Variants in CACNA1B observed in about 807,000 individuals in gnomAD.
The protein encoded by CACNA1B is calcium voltage-gated channel subunit alpha1 B, also known as voltage-dependent N-type calcium channel subunit alpha-1B.
In CACNA1B, 70 loss-of-function variants were observed where a neutral mutation model predicts 247.2. That is an observed-to-expected ratio of 0.28 (90% CI 0.23 to 0.35). The LOEUF (loss-of-function observed/expected upper bound fraction) is 0.35, where lower values mean the gene tolerates loss of function less well. Among genes scored for constraint, CACNA1B ranks in the 10% least tolerant of loss-of-function variants. The probability of loss-of-function intolerance (pLI) is 1.00; values close to 1 mark genes in which losing one functional copy is unlikely to be tolerated. For synonymous variants in CACNA1B, 1,231 were observed against 1,294.4 expected, an observed-to-expected ratio of 0.95 and a Z score of 1.05; for missense variants, 2,367 against 3,197.4, an observed-to-expected ratio of 0.74 and a Z score of 6.26.
chr9:138,067,395 T>G (rs1173165433), intron 31 of CACNA1B, among the ~76,000 whole-genome samples: 1 of 152,204 alleles, frequency 6.6e-6, no homozygotes, highest in African/African-American at 2.4e-5. Flanking sequence ...ATGTTGACAT[T>G]AAAATTTTTT....
intron 42 of CACNA1B, among the ~76,000 whole-genome samples, chr9:138,117,417 C>G (rs1055554440): frequency 3.9e-5 from 6 of 152,168 alleles, no homozygotes; most frequent in African/African-American, 1.2e-4. Flanking sequence ...CCCTCCATGA[C>G]AGCTTTGCCC....
rs111949932 is a variant in CACNA1B, at chr9:138,106,900, C to G, written c.5428+1093C>G. ...TCTTCCCAGCTTCACCAGAGCTGCCCTTGGGGTCTCCAGGCCTCCACGTTG... is the reference window on the plus strand; with the variant it reads ...TCTTCCCAGCTTCACCAGAGCTGCCGTTGGGGTCTCCAGGCCTCCACGTTG... On this transcript the variant is annotated intron_variant, in intron 39 of 46. Transcript: ENST00000371372. Among the ~76,000 whole-genome samples the G allele has an allele frequency of 6.2e-3, 942 of 152,334 alleles. 22 individuals carry two copies. In the South Asian group the frequency reaches 0.085, roughly 14 times the overall value.
chr9:137,940,001 C>T (rs886585009), intron 6 of CACNA1B, among the ~76,000 whole-genome samples: 2 of 151,846 alleles, frequency 1.3e-5, no homozygotes, highest in African/African-American at 4.8e-5. Context: ...AATCTAAGGT[C>T]ACACCTCAAT....
intron 20 of CACNA1B, among the ~76,000 whole-genome samples, chr9:138,040,984 C>T (rs1020445154): frequency 6.6e-6 from 1 of 152,164 alleles, no homozygotes; most frequent in Non-Finnish European, 1.5e-5. Flanking sequence ...ATAGCTTGTA[C>T]CTCTCCAGAT....
At chr9:137,998,909 C>A (rs1440649059) in intron 15 of CACNA1B, among the ~76,000 whole-genome samples, 1 of 152,230 alleles carries the variant, frequency 6.6e-6, no homozygotes, top group East Asian at 1.9e-4. Context: ...ACATACAGAA[C>A]TGTACCCAAC....
Position 137,880,805 on chromosome 9 carries a change from G to T in CACNA1B, c.390+1646G>T, listed in dbSNP as rs905304639. On this transcript the variant is annotated intron_variant, in intron 2 of 46. Transcript: ENST00000371372. This position sits in a 1 kb window ranked among gnomAD's most constrained non-coding sequence, Gnocchi z 4.8. ...TGTGCTGCTGCCCACAGAGCAGGCC[G>T]AGGCTGGGTGGTGCAGGGGCAGCCC... 6.6e-6 allele frequency among the ~76,000 whole-genome samples: 1 copy of T among 152,168 alleles called. No homozygotes were observed. The highest frequency in any genetic ancestry group is 1.9e-4 in the East Asian group (1 of 5,176).
In CACNA1B at chr9:138,006,853, T is replaced by A. The variant is rs768175667; in HGVS notation, c.2061T>A (p.Phe687Leu). Residue 687 changes from phenylalanine to leucine, a missense_variant, in exon 16 of 47, where the codon TTT becomes TTA. Phe to Leu is a conservative substitution (Grantham distance 22, BLOSUM62 0). Transcript: ENST00000371372. The part of the protein sequence containing the change: ...GGVSKGMFSS[F>L]YFIVLTLFGN... ...TCAGCAAAGGCATGTTCTCGTCCTT[T>A]TACTTCATTGTCCTGACACTGTTCG... The A allele has an allele frequency of 6.2e-7, 1 of 1,605,556 alleles. No homozygotes were observed. The highest frequency in any genetic ancestry group is 2.2e-5 in the East Asian group (1 of 44,834).
chr9:138,088,092 G>C (rs1254161263), intron 36 of CACNA1B, among the ~76,000 whole-genome samples: 3 of 152,246 alleles, frequency 2.0e-5, no homozygotes, highest in Admixed American at 1.3e-4. Flanking sequence ...AATATAGCCA[G>C]GTGCGGTGGC....
At position 137,990,118 on chromosome 9, in the gene CACNA1B, A is replaced by G. The variant is rs1958415023; in HGVS notation, c.1974+3264A>G. 6.6e-6 allele frequency among the ~76,000 whole-genome samples: 1 copy of G among 152,162 alleles called. No homozygotes were observed. The highest frequency in any genetic ancestry group is 2.4e-5 in the African/African-American group (1 of 41,444). On this transcript the variant is annotated intron_variant, in intron 15 of 46. Coordinates refer to ENST00000371372, the MANE Select transcript of CACNA1B (RefSeq NM_000718.4). This position sits in a 1 kb window ranked among gnomAD's most constrained non-coding sequence, Gnocchi z 4.5. ...AGACTCAGTGCTGTTGGGGGTGGGC[A>G]CGGTAGGAGTGAGACCAGCCTTTTG...
intron 3 of CACNA1B, among the ~76,000 whole-genome samples, chr9:137,886,352 AGGAGGCGG>A (rs1184583757): frequency 6.6e-6 from 1 of 152,126 alleles, no homozygotes; most frequent in East Asian, 1.9e-4. Context: ...AGGAGGTGGG[AGGAGGCGG>A]GAAGGCCACC....
intron 32 of CACNA1B, among the ~76,000 whole-genome samples, chr9:138,071,129 G>A (rs1337846198): frequency 6.6e-6 from 1 of 152,122 alleles, no homozygotes; most frequent in Non-Finnish European, 1.5e-5. Context: ...CTTTTCTCAA[G>A]TACTCCTCAC....
intron 18 of CACNA1B, among the ~76,000 whole-genome samples, chr9:138,015,283 A>G (rs548081045): frequency 1.4e-4 from 21 of 152,234 alleles, no homozygotes; most frequent in African/African-American, 5.1e-4. Flanking sequence ...TGGTTTGGAC[A>G]TGACAGCCAG....
intron 36 of CACNA1B, among the ~76,000 whole-genome samples, chr9:138,084,195 C>T (rs917324142): frequency 6.6e-6 from 1 of 151,092 alleles, no homozygotes; most frequent in Non-Finnish European, 1.5e-5. Flanking sequence ...AACCTGTACC[C>T]CAACACCCAG....
intron 6 of CACNA1B, among the ~76,000 whole-genome samples, chr9:137,924,152 C>A (rs890027145): frequency 4.6e-5 from 7 of 151,314 alleles, no homozygotes; most frequent in Admixed American, 3.3e-4. Flanking sequence ...GTGGATTGGG[C>A]TTTTGGTGTC....
chr9:138,091,776 G>A (rs1554757028), intron 36 of CACNA1B, among the ~76,000 whole-genome samples: 1 of 152,126 alleles, frequency 6.6e-6, no homozygotes, highest in Admixed American at 6.5e-5. Context: ...AACTGAATAA[G>A]TAAAAATAAG....
In CACNA1B at chr9:138,020,022, G is replaced by A. The variant is rs1032052667; in HGVS notation, c.2268-2989G>A. 2.7e-5 allele frequency among the ~76,000 whole-genome samples: 4 copies of A among 150,664 alleles called. No homozygotes were observed. The highest frequency in any genetic ancestry group is 5.9e-5 in the Non-Finnish European group (4 of 67,844). ...TGAGGCAGGAGAATTGCTTGAACCC[G>A]GGAGGCAGAGGTTGCAGTGAGCCGT... is the stretch of plus-strand genomic sequence containing the variant. On this transcript the variant is annotated intron_variant, in intron 18 of 46. Transcript: ENST00000371372. The surrounding 1 kb of genome is among the most constrained non-coding windows in gnomAD (Gnocchi z 4.1).
intron 10 of CACNA1B, among the ~76,000 whole-genome samples, chr9:137,965,712 C>T (rs907762767): frequency 6.6e-6 from 1 of 152,082 alleles, no homozygotes; most frequent in Admixed American, 6.6e-5. Context: ...GATTCTCCTC[C>T]CTCAGAGGGA....
intron 39 of CACNA1B, among the ~76,000 whole-genome samples, chr9:138,109,467 G>A (rs559692945): frequency 1.2e-3 from 190 of 152,352 alleles, no homozygotes; most frequent in Non-Finnish European, 2.2e-3. Context: ...AAACAGCCAT[G>A]GTCCTGCTGT....
chr9:138,048,985 T>C (rs1959208116), intron 23 of CACNA1B, among the ~76,000 whole-genome samples: 1 of 152,230 alleles, frequency 6.6e-6, no homozygotes, highest in Admixed American at 6.5e-5. Flanking sequence ...CCCAAAGTGC[T>C]GGGATTTCAG....
Sources: gnomAD v4.1 joint callset for allele counts (sites outside exome capture counted in the v4.1 genomes callset) on GRCh38, gnomAD v4.1.1 for gene constraint, Gnocchi (gnomAD v3.1) non-coding constraint, MANE v1.5 for transcripts, NCBI Gene and HGNC (gene_info 2026-07-23, HGNC 2026-07-21) for gene names.